PCDHA6: variants seen among roughly 807,000 people sequenced by gnomAD.
The protein encoded by PCDHA6 is protocadherin alpha 6.
PCDHA6 carries 55 observed loss-of-function variants against 60.3 expected under a neutral mutation model. The ratio of observed to expected loss-of-function variants is 0.91; its 90% CI spans 0.73 to 1.14. The LOEUF (loss-of-function observed/expected upper bound fraction) is 1.14, where lower values mean the gene tolerates loss of function less well. Ranked by LOEUF, PCDHA6 falls within the 50% of genes most tolerant of loss-of-function variation. PCDHA6 has a pLI of 0.00. For missense variants in PCDHA6, 1,327 were observed against 1,256.5 expected (o/e 1.06, Z -0.85); for synonymous variants, 652 against 557.9 (o/e 1.17, Z -2.38).
intron 1 of PCDHA6, chr5:140,836,066 C>A (rs2150251751): frequency 2.5e-6 from 4 of 1,613,652 alleles, no homozygotes; most frequent in Admixed American, 3.3e-5. Context: ...AGAACGACAA[C>A]GCGCCGGCAC....
chr5:140,879,051 T>A (rs1446827922), intron 1 of PCDHA6, among the ~76,000 whole-genome samples: 1 of 152,166 alleles, frequency 6.6e-6, no homozygotes, highest in Non-Finnish European at 1.5e-5. Flanking sequence ...ATAGACAACA[T>A]TTTACCAAGA....
intron 1 of PCDHA6, among the ~76,000 whole-genome samples, chr5:140,885,621 T>G (rs528108703): frequency 1.3e-5 from 2 of 152,188 alleles, no homozygotes; most frequent in Non-Finnish European, 2.9e-5. Context: ...ATAAAATATG[T>G]CACTGGATTG....
rs782361286 is a variant in PCDHA6, at chr5:140,876,924, G to T, written c.2394+46439G>T. The T allele has an allele frequency of 4.3e-6, 7 of 1,613,704 alleles. No individual in the cohort carries two copies. The African/African-American group carries it at 5.3e-5, about 12-fold the overall frequency. The stretch of plus-strand genomic sequence containing the variant: ...CGGTGTCGGCATGGGACGCGGACGC[G>T]CAGAAGAACGCGCTGGTGTCCTACT... On this transcript the variant is annotated intron_variant, in intron 1 of 3. Coordinates refer to ENST00000529310, the MANE Select transcript of PCDHA6 (RefSeq NM_018909.4).
chr5:140,871,755 T>C (rs2053292269), intron 1 of PCDHA6, among the ~76,000 whole-genome samples: 1 of 152,248 alleles, frequency 6.6e-6, no homozygotes. Context: ...AGAAATGAGA[T>C]GCAAGAGTGA....
At position 140,946,631 on chromosome 5, in the gene PCDHA6, T is replaced by TATATATATATACAC. The variant is rs57893927; in HGVS notation, c.2395-32317_2395-32316insTATATATATACACA. Among the ~76,000 whole-genome samples, 93 of 131,838 alleles carry TATATATATATACAC rather than the reference T, an allele frequency of 7.1e-4. 3 individuals carry two copies. Among genetic ancestry groups the TATATATATATACAC allele is most frequent in the East Asian group, 2.3e-3 (11 of 4,866 alleles). 86.5% of individuals were successfully genotyped at this position (131,838 alleles called of 152,430 possible). A position where few individuals can be genotyped will look rare whatever the true frequency, so the allele number is the denominator to read the frequency against. ...TGTGAAATATATATATATATATATA[T>TATATATATATACAC]ACAATGGAATACTCATCAGCCATTA... On this transcript the variant is annotated intron_variant, in intron 1 of 3. Transcript: ENST00000529310.
At chr5:140,876,204 G>A (rs1582266262) in intron 1 of PCDHA6, 1 of 1,613,934 alleles carries the variant, frequency 6.2e-7, no homozygotes, top group Non-Finnish European at 8.5e-7. Flanking sequence ...CGTTTGATAA[G>A]CCCAGCTATA....
intron 1 of PCDHA6, chr5:140,877,837 G>A (rs1313925880): frequency 6.3e-7 from 1 of 1,585,240 alleles, no homozygotes; most frequent in African/African-American, 1.4e-5. Context: ...TCCTCCCAGT[G>A]AAGTAAGTTA....
chr5:140,912,007 C>A lies in PCDHA6; in HGVS notation c.2395-66942C>A, dbSNP rs572487277. Among the ~76,000 whole-genome samples, 3 of 152,282 alleles carry A rather than the reference C, an allele frequency of 2.0e-5. No homozygotes were observed. The East Asian group carries it at 5.8e-4, about 29-fold the overall frequency. On this transcript the variant is annotated intron_variant, in intron 1 of 3. Coordinates refer to ENST00000529310, the MANE Select transcript of PCDHA6 (RefSeq NM_018909.4). ...ACAAGGTCCCACAATAGGCCATCTGCAAGCTGAGGAGCAAGCAAGCCAATC... is the reference window on the plus strand; with the variant it reads ...ACAAGGTCCCACAATAGGCCATCTGAAAGCTGAGGAGCAAGCAAGCCAATC...
chr5:140,847,732 A>G (rs1781156684), intron 1 of PCDHA6: 1 of 149,812 alleles, frequency 6.7e-6, no homozygotes, highest in Admixed American at 6.7e-5. Flanking sequence ...AGAGAAAAAT[A>G]TATTTTCTCC....
intron 1 of PCDHA6, among the ~76,000 whole-genome samples, chr5:140,943,705 C>T (rs528361276): frequency 1.6e-4 from 25 of 152,150 alleles, no homozygotes; most frequent in Middle Eastern, 3.4e-3. Context: ...TATTGTGGAA[C>T]ACATTTAAAG....
At chr5:140,882,993 T>G (rs1554176415) in intron 1 of PCDHA6, 2 of 1,614,080 alleles carry the variant, frequency 1.2e-6, no homozygotes, top group Non-Finnish European at 1.7e-6. Flanking sequence ...GCCCCGGAAT[T>G]TTACCAATCC....
intron 1 of PCDHA6, chr5:140,866,209 TGGA>T (rs371374348): frequency 2.8e-4 from 43 of 152,294 alleles, no homozygotes; most frequent in African/African-American, 7.9e-4. Context: ...AATATCCTTG[TGGA>T]ACACCTAAAC....
intron 1 of PCDHA6, among the ~76,000 whole-genome samples, chr5:140,924,539 C>T (rs1554201995): frequency 6.6e-6 from 1 of 152,050 alleles, no homozygotes; most frequent in African/African-American, 2.4e-5. Flanking sequence ...CCGAGCTACC[C>T]CTCTCCCCAC....
chr5:140,915,626 G>GTCCC (rs1554196996), intron 1 of PCDHA6, among the ~76,000 whole-genome samples: 2 of 146,436 alleles, frequency 1.4e-5, no homozygotes, highest in Non-Finnish European at 3.0e-5. Flanking sequence ...GTCTCTTTCT[G>GTCCC]TCTCTCTCTC....
intron 3 of PCDHA6, among the ~76,000 whole-genome samples, chr5:140,999,171 C>T (rs1482438264): frequency 1.3e-5 from 2 of 152,054 alleles, no homozygotes; most frequent in African/African-American, 4.8e-5. Context: ...AGGAAAAGAG[C>T]CTGATGGGGA....
intron 1 of PCDHA6, chr5:140,861,363 G>A: frequency 2.8e-6 from 1 of 354,256 alleles, no homozygotes; most frequent in Non-Finnish European, 5.8e-6. Flanking sequence ...TAGCGTCTTC[G>A]CGGTCCCTAT....
At chr5:140,966,569 G>A in intron 1 of PCDHA6, 1 of 500,346 alleles carries the variant, frequency 2.0e-6, no homozygotes, top group Non-Finnish European at 3.3e-6. Flanking sequence ...TGGAATATGG[G>A]GAGTCAGCGA....
intron 1 of PCDHA6, chr5:140,876,243 C>A: frequency 6.2e-7 from 1 of 1,613,948 alleles, no homozygotes; most frequent in Non-Finnish European, 8.5e-7. Context: ...ATGTCCAAAA[C>A]GACACAAGAG....
At chr5:140,834,243 A>G (rs1260140058) in intron 1 of PCDHA6, 2 of 837,910 alleles carry the variant, frequency 2.4e-6, no homozygotes, top group African/African-American at 3.4e-5. Flanking sequence ...TCCTTTTCGC[A>G]CTGGAAAGAC....
Sources: gnomAD v4.1 joint callset for allele counts (sites outside exome capture counted in the v4.1 genomes callset) on GRCh38, gnomAD v4.1.1 for gene constraint, MANE v1.5 for transcripts, NCBI Gene and HGNC (gene_info 2026-07-23, HGNC 2026-07-21) for gene names.